The following OSBPL9 variants were observed in gnomAD, a reference collection of about 807,000 sequenced individuals.
OSBPL9 encodes oxysterol binding protein like 9, also known as oxysterol-binding protein-related protein 9.
A neutral mutation model predicts 106.6 loss-of-function variants in OSBPL9; 40 were observed. That is an observed-to-expected ratio of 0.38 (90% CI 0.29 to 0.49). The LOEUF (loss-of-function observed/expected upper bound fraction) is 0.49, where lower values mean the gene tolerates loss of function less well. Ranked by LOEUF, OSBPL9 falls within the 20% of genes least tolerant of loss-of-function variation. OSBPL9 has a pLI of 0.97. For synonymous variants in OSBPL9, 269 were observed against 295.4 expected (o/e 0.91, Z 0.92); for missense variants, 609 against 887.2 (o/e 0.69, Z 3.98).
At chr1:51,607,169 T>TC (rs1383406794) in intron 2 of OSBPL9, among the ~76,000 whole-genome samples, 1 of 147,592 alleles carries the variant, frequency 6.8e-6, no homozygotes, top group Non-Finnish European at 1.5e-5. Flanking sequence ...TTTTTCTTTT[T>TC]TTTTTTTTTT....
chr1:51,580,946 A>G (rs1477763762), intron 1 of OSBPL9, among the ~76,000 whole-genome samples: 12 of 1,062 alleles, frequency 0.011, no homozygotes, highest in African/African-American at 0.023. Context: ...ATATATATAT[A>G]TATATATAAC....
At chr1:51,752,039 T>C (rs1181381978) in intron 8 of OSBPL9, among the ~76,000 whole-genome samples, 1 of 152,216 alleles carries the variant, frequency 6.6e-6, no homozygotes, top group Non-Finnish European at 1.5e-5. Context: ...GGACTCTGTA[T>C]CTTTAAACTT....
intron 1 of OSBPL9, among the ~76,000 whole-genome samples, chr1:51,649,515 A>G (rs1309922050): frequency 1.3e-5 from 2 of 152,094 alleles, no homozygotes; most frequent in African/African-American, 4.8e-5. Context: ...GCCTTCGCTG[A>G]TGTTGTTTCC....
At chr1:51,780,913 T>C (rs1676226508) in intron 15 of OSBPL9, among the ~76,000 whole-genome samples, 1 of 151,786 alleles carries the variant, frequency 6.6e-6, no homozygotes, top group South Asian at 2.1e-4. Flanking sequence ...GAAGAAGTTA[T>C]CCATGTAACC....
At chr1:51,785,712 C>G in intron 20 of OSBPL9, 96 bp from the exon 21 acceptor site, 1 of 1,032,472 alleles carries the variant, frequency 9.7e-7, no homozygotes, top group Non-Finnish European at 1.5e-6. Flanking sequence ...CACAGTTGCT[C>G]TTCTGTGCTC....
At chr1:51,547,160 G>C in the OSBPL9 span, among the ~76,000 whole-genome samples, 30 of 152,192 alleles carry the variant, frequency 2.0e-4, no homozygotes, top group Non-Finnish European at 4.0e-4. Flanking sequence ...ATATCCCAAA[G>C]AAATTCTTAT....
intron 4 of OSBPL9, among the ~76,000 whole-genome samples, chr1:51,714,888 GA>G (rs1236398629): frequency 6.6e-6 from 1 of 152,176 alleles, no homozygotes; most frequent in Non-Finnish European, 1.5e-5. Context: ...TGATAGGGTA[GA>G]AGGTGTGTTC....
chr1:51,765,361 G>A (rs780760659), intron 11 of OSBPL9, among the ~76,000 whole-genome samples: 1 of 152,150 alleles, frequency 6.6e-6, no homozygotes, highest in Non-Finnish European at 1.5e-5. Flanking sequence ...TTGAATGATA[G>A]GAATGTGATA....
chr1:51,614,640 A>ATATT (rs957185676), upstream of OSBPL9, among the ~76,000 whole-genome samples: 1,312 of 151,978 alleles, frequency 8.6e-3, 15 homozygotes, highest in African/African-American at 0.02. Context: ...CTAAGAACTA[A>ATATT]TATTTATTTA....
chr1:51,599,416 T>A (rs1340217657), intron 2 of OSBPL9, among the ~76,000 whole-genome samples: 4 of 152,324 alleles, frequency 2.6e-5, no homozygotes, highest in African/African-American at 9.6e-5. Context: ...TCAAGGGCAG[T>A]GAGCACAGTG....
chr1:51,689,420 T>A (rs1654514038), intron 3 of OSBPL9, among the ~76,000 whole-genome samples: 1 of 152,184 alleles, frequency 6.6e-6, no homozygotes, highest in South Asian at 2.1e-4. Flanking sequence ...GTAATATTCT[T>A]CCTTTCTGAA....
At chr1:51,765,740 TAGAAAAGTCTGC>T in intron 11 of OSBPL9, 70 bp from the exon 12 acceptor site, 1 of 1,299,582 alleles carries the variant, frequency 7.7e-7, no homozygotes, top group Non-Finnish European at 1.0e-6. Context: ...TTTTTGATTT[TAGAAAAGTCTGC>T]TTTGACTCCA....
At chr1:51,617,034 C>CAGG, upstream of OSBPL9, 1 of 1,335,794 alleles carries the variant, frequency 7.5e-7, no homozygotes. Context: ...CCGCCCCCTG[C>CAGG]GGCCCCGCCC....
intron 4 of OSBPL9, among the ~76,000 whole-genome samples, chr1:51,738,286 G>A (rs960442087): frequency 3.9e-5 from 6 of 152,004 alleles, no homozygotes; most frequent in African/African-American, 1.4e-4. Context: ...TAAGGGTTAT[G>A]ATTGAAGTTC....
At chr1:51,672,592 A>G (rs1650153361) in intron 3 of OSBPL9, among the ~76,000 whole-genome samples, 1 of 152,074 alleles carries the variant, frequency 6.6e-6, no homozygotes. Flanking sequence ...ATCATACCAT[A>G]TGTACTCTCT....
At chr1:51,530,044 G>A in the OSBPL9 span, among the ~76,000 whole-genome samples, 1 of 151,016 alleles carries the variant, frequency 6.6e-6, no homozygotes, top group African/African-American at 2.4e-5. Flanking sequence ...GGTGGCGGGC[G>A]CCTGTAGTCC....
At chr1:51,647,948 G>A (rs779850704) in intron 1 of OSBPL9, among the ~76,000 whole-genome samples, 2 of 152,042 alleles carry the variant, frequency 1.3e-5, no homozygotes, top group Non-Finnish European at 2.9e-5. Context: ...ATATCAGTTC[G>A]ATATTCCCAC....
intron 1 of OSBPL9, among the ~76,000 whole-genome samples, chr1:51,635,344 T>A (rs568138381): frequency 6.6e-6 from 1 of 152,002 alleles, no homozygotes; most frequent in East Asian, 1.9e-4. Flanking sequence ...GAGGTAATCT[T>A]CCTAGATTAG....
At chr1:51,738,214 T>C (rs1666129003) in intron 4 of OSBPL9, among the ~76,000 whole-genome samples, 1 of 152,000 alleles carries the variant, frequency 6.6e-6, no homozygotes, top group South Asian at 2.1e-4. Context: ...TGTGTTTTGT[T>C]CTATAAGTCA....
Sources: allele counts gnomAD v4.1 joint callset (sites outside exome capture counted in the v4.1 genomes callset), GRCh38; gene constraint gnomAD v4.1.1; transcripts MANE v1.5; gene names NCBI Gene and HGNC (gene_info 2026-07-23, HGNC 2026-07-21).